Variants in GATAD2A observed in about 807,000 individuals in gnomAD.
The protein encoded by GATAD2A is GATA zinc finger domain containing 2A.
GATAD2A carries 12 observed loss-of-function variants against 68.5 expected under a neutral mutation model. The ratio of observed to expected loss-of-function variants is 0.18; its 90% confidence interval spans 0.11 to 0.28. The LOEUF is 0.28. Ranked by LOEUF, GATAD2A falls within the 10% of genes least tolerant of loss-of-function variation. The probability of loss-of-function intolerance (pLI) is 1.00; values close to 1 mark genes in which losing one functional copy is unlikely to be tolerated. For missense variants in GATAD2A, 755 were observed against 868.5 expected, an observed-to-expected ratio of 0.87 and a Z score of 1.64; for synonymous variants, 410 against 375.3, an observed-to-expected ratio of 1.09 and a Z score of -1.07.
At chr19:19,458,816 G>A (rs986218970) in intron 1 of GATAD2A, among the ~76,000 whole-genome samples, 1 of 152,072 alleles carries the variant, frequency 6.6e-6, no homozygotes, top group Non-Finnish European at 1.5e-5. Flanking sequence ...ATCCTCTCTC[G>A]GCCCACTGAA....
At chr19:19,404,463 G>A (rs543728855), upstream of GATAD2A, among the ~76,000 whole-genome samples, 1 of 152,064 alleles carries the variant, frequency 6.6e-6, no homozygotes, top group African/African-American at 2.4e-5. Flanking sequence ...AACAGATCAC[G>A]ACATCAGGAG....
chr19:19,487,529 T>C (rs928418636), intron 2 of GATAD2A, among the ~76,000 whole-genome samples: 2 of 151,524 alleles, frequency 1.3e-5, no homozygotes, highest in Non-Finnish European at 2.9e-5. Context: ...TGGGGGTGGC[T>C]AAGGAACACA....
Position 19,398,233 on chromosome 19 carries a change from C to T in GATAD2A, c.-7+12095C>T, listed in dbSNP as rs541740995. Among the ~76,000 whole-genome samples, 13 of 134,302 alleles carry T rather than the reference C, an allele frequency of 9.7e-5. No individual in the cohort carries two copies. In the South Asian group the frequency reaches 1.5e-3, roughly 15 times the overall value. 88.1% of individuals were successfully genotyped at this position (134,302 alleles called of 152,430 possible). On this transcript the variant is annotated intron_variant, in intron 1 of 11. Coordinates refer to the GATAD2A transcript ENST00000360315. ...TATTTATTTATTTGAGATGGAGTCT[C>T]GCTCTTGTTGCCCAGGCTGGAGTGC...
chr19:19,410,208 A>G (rs1182540372), intron 1 of GATAD2A, among the ~76,000 whole-genome samples: 1 of 152,122 alleles, frequency 6.6e-6, no homozygotes, highest in Non-Finnish European at 1.5e-5. Flanking sequence ...CTTATATGGA[A>G]GGGCTGAAGA....
intron 1 of GATAD2A, among the ~76,000 whole-genome samples, chr19:19,460,471 T>C (rs1041221632): frequency 6.6e-6 from 1 of 152,212 alleles, no homozygotes; most frequent in African/African-American, 2.4e-5. Flanking sequence ...GGTTGCTTCA[T>C]GGGCCCTTCT....
intron 1 of GATAD2A, among the ~76,000 whole-genome samples, chr19:19,461,432 T>C (rs2057420637): frequency 6.6e-6 from 1 of 152,236 alleles, no homozygotes; most frequent in African/African-American, 2.4e-5. Flanking sequence ...AAGTCCTCTT[T>C]AAGAGTTCTG....
upstream of GATAD2A, among the ~76,000 whole-genome samples, chr19:19,405,245 A>G (rs986396139): frequency 2.6e-5 from 4 of 152,146 alleles, no homozygotes; most frequent in African/African-American, 9.7e-5. Flanking sequence ...CCCTCCCCAC[A>G]GACACCGGGG....
intron 1 of GATAD2A, among the ~76,000 whole-genome samples, chr19:19,437,046 T>C (rs1322951569): frequency 6.6e-6 from 1 of 152,236 alleles, no homozygotes; most frequent in Non-Finnish European, 1.5e-5. Context: ...CAAGAAAATA[T>C]GGGCATAGTC....
upstream of GATAD2A, among the ~76,000 whole-genome samples, chr19:19,403,923 TTTTG>T (rs1172202931): frequency 2.0e-5 from 3 of 152,194 alleles, no homozygotes; most frequent in Admixed American, 6.5e-5. Flanking sequence ...AATAAGACTG[TTTTG>T]TTTGTTTGGT....
chr19:19,409,734 C>G (rs554878380), intron 1 of GATAD2A, among the ~76,000 whole-genome samples: 1 of 152,144 alleles, frequency 6.6e-6, no homozygotes, highest in Non-Finnish European at 1.5e-5. Context: ...TAGTGAGACC[C>G]GTACTGTCAG....
chr19:19,466,011 A>G (rs2057837313), intron 2 of GATAD2A, among the ~76,000 whole-genome samples: 3 of 152,242 alleles, frequency 2.0e-5, no homozygotes, highest in Non-Finnish European at 2.9e-5. Flanking sequence ...GGAATGCTAC[A>G]CCTACCTTGG....
intron 1 of GATAD2A, among the ~76,000 whole-genome samples, chr19:19,460,505 C>T (rs2057334596): frequency 1.3e-5 from 2 of 152,232 alleles, no homozygotes; most frequent in Middle Eastern, 3.4e-3. Context: ...GAAGAGGTGC[C>T]CTGAGGTGCC....
chr19:19,488,025 T>A (rs2059555303), intron 2 of GATAD2A, among the ~76,000 whole-genome samples: 1 of 152,220 alleles, frequency 6.6e-6, no homozygotes. Flanking sequence ...TACCGAGGCC[T>A]CACGAGCTAC....
intron 2 of GATAD2A, among the ~76,000 whole-genome samples, chr19:19,483,102 T>TGATG (rs1465766397): frequency 1.3e-5 from 2 of 152,162 alleles, no homozygotes; most frequent in African/African-American, 4.8e-5. Flanking sequence ...CTGGCTGTGC[T>TGATG]GATGCTGGGG....
chr19:19,389,953 G>A (rs899413908), intron 1 of GATAD2A, among the ~76,000 whole-genome samples: 8 of 152,054 alleles, frequency 5.3e-5, no homozygotes, highest in Non-Finnish European at 1.0e-4. Context: ...TGGTAGAGAC[G>A]AGGTCTCACC....
At chr19:19,490,458 G>C (rs1007922987) in intron 2 of GATAD2A, among the ~76,000 whole-genome samples, 1 of 151,964 alleles carries the variant, frequency 6.6e-6, no homozygotes, top group African/African-American at 2.4e-5. Flanking sequence ...ACCCTGCCGG[G>C]GTCTAATTAT....
In GATAD2A at chr19:19,508,797, C is replaced by T. The variant is rs1191763729; in HGVS notation, c.*3323C>T. On this transcript the variant is annotated 3_prime_UTR_variant, in exon 12 of 12. Transcript: ENST00000683918. ...TGACTCTAAATCTTTGATAGTAAAA[C>T]AAATGTAAAAAGAAATGTTTGCCAC... The T allele has an allele frequency of 6.6e-6, 1 of 152,094 alleles. No homozygotes were observed. The highest frequency in any genetic ancestry group is 1.5e-5 in the Non-Finnish European group (1 of 68,022). 9.4% of individuals were successfully genotyped at this position (152,094 alleles called of 1,614,324 possible).
At chr19:19,410,824 A>G (rs1277599189) in intron 1 of GATAD2A, among the ~76,000 whole-genome samples, 1 of 152,154 alleles carries the variant, frequency 6.6e-6, no homozygotes, top group East Asian at 1.9e-4. Flanking sequence ...CTAGCGAAAG[A>G]CCTTGTTGAA....
At chr19:19,386,705 C>T (rs545050576) in intron 1 of GATAD2A, among the ~76,000 whole-genome samples, 110 of 152,182 alleles carry the variant, frequency 7.2e-4, no homozygotes, top group Non-Finnish European at 1.5e-3. Flanking sequence ...CTCTAGGCGA[C>T]CCTGCTTCTC....
Sources: gnomAD v4.1 joint callset for allele counts (sites outside exome capture counted in the v4.1 genomes callset) on GRCh38, gnomAD v4.1.1 for gene constraint, MANE v1.5 for transcripts, NCBI Gene and HGNC (gene_info 2026-07-23, HGNC 2026-07-21) for gene names.